The following CHN2 variants were observed in gnomAD, a reference collection of about 807,000 sequenced individuals.
CHN2 encodes the protein beta-chimaerin.
CHN2 carries 35 observed loss-of-function variants against 56.3 expected under a neutral mutation model. The observed-to-expected ratio is 0.62, with a 90% CI of 0.47 to 0.82. The LOEUF (loss-of-function observed/expected upper bound fraction) is 0.82. CHN2 is among the 40% of genes least tolerant of loss of function. The pLI is 0.00. For missense variants in CHN2, 491 were observed against 580.5 expected, an observed-to-expected ratio of 0.85 and a Z score of 1.58; for synonymous variants, 210 against 212.8, an observed-to-expected ratio of 0.99 and a Z score of 0.12.
chr7:29,163,011 A>G lies in CHN2; in HGVS notation c.274+16051A>G, dbSNP rs111649178. Among the ~76,000 whole-genome samples the G allele has an allele frequency of 5.8e-3, 879 of 152,370 alleles. 8 individuals are homozygous for G. The highest frequency in any genetic ancestry group is 0.02 in the African/African-American group (835 of 41,580). ...ATATGCATGAGGTGTAGTTAATTGTACCAATCAATATCCTTGTTTTGATAA... is the reference window on the plus strand; with the variant it reads ...ATATGCATGAGGTGTAGTTAATTGTGCCAATCAATATCCTTGTTTTGATAA... On this transcript the variant is annotated intron_variant, in intron 2 of 6. Coordinates refer to the CHN2 transcript ENST00000439384.
intron 1 of CHN2, among the ~76,000 whole-genome samples, chr7:29,281,774 T>C (rs1391866467): frequency 1.3e-5 from 2 of 152,172 alleles, no homozygotes; most frequent in African/African-American, 2.4e-5. Context: ...CGTCAAGCCA[T>C]TTTCCCCTAA....
chr7:29,257,511 A>G lies in CHN2; in HGVS notation c.49+62521A>G, dbSNP rs140364252. 2.1e-4 allele frequency among the ~76,000 whole-genome samples: 32 copies of G among 152,104 alleles called. No homozygotes were observed. The East Asian group carries it at 5.8e-3, about 28-fold the overall frequency. Reference sequence around the variant, plus strand: ...CATCTTTTCTCCTTTCCACTCCTCCACATATCCCAGCACCTAGGTTACAGC... The same window carrying G: ...CATCTTTTCTCCTTTCCACTCCTCCGCATATCCCAGCACCTAGGTTACAGC... On this transcript the variant is annotated intron_variant, in intron 1 of 12. Coordinates refer to ENST00000222792, the MANE Select transcript of CHN2 (RefSeq NM_004067.4).
At chr7:29,175,224 G>C (rs904339335) in intron 2 of CHN2, among the ~76,000 whole-genome samples, 1 of 151,616 alleles carries the variant, frequency 6.6e-6, no homozygotes, top group Non-Finnish European at 1.5e-5. Context: ...ACCCAGGCTG[G>C]AGTGTAGTGG....
intron 2 of CHN2, among the ~76,000 whole-genome samples, chr7:29,173,753 A>G (rs1031247345): frequency 6.6e-6 from 1 of 150,908 alleles, no homozygotes; most frequent in Non-Finnish European, 1.5e-5. Context: ...CCTGTCCAAC[A>G]TGGTGAAACC....
intron 6 of CHN2, among the ~76,000 whole-genome samples, chr7:29,436,107 C>T (rs1012564879): frequency 6.6e-6 from 1 of 152,036 alleles, no homozygotes; most frequent in Non-Finnish European, 1.5e-5. Context: ...AAGTTGGAGA[C>T]CATAGAATAC....
chr7:29,313,947 A>T (rs891723140), intron 1 of CHN2, among the ~76,000 whole-genome samples: 1 of 152,164 alleles, frequency 6.6e-6, no homozygotes, highest in African/African-American at 2.4e-5. Flanking sequence ...TGCCCAGTGT[A>T]TTCCTGGTGG....
At chr7:29,261,249 G>T (rs1789528792) in intron 1 of CHN2, among the ~76,000 whole-genome samples, 1 of 152,218 alleles carries the variant, frequency 6.6e-6, no homozygotes, top group Non-Finnish European at 1.5e-5. Context: ...TTGAGGCCAT[G>T]CAGCCTACTT....
intron 2 of CHN2, among the ~76,000 whole-genome samples, chr7:29,147,885 A>G (rs1005780439): frequency 3.9e-5 from 6 of 152,250 alleles, no homozygotes; most frequent in African/African-American, 1.4e-4. Flanking sequence ...TTGGGAATTG[A>G]CATGAAAGGC....
At chr7:29,347,256 A>G (rs1351785120) in intron 1 of CHN2, among the ~76,000 whole-genome samples, 1 of 152,186 alleles carries the variant, frequency 6.6e-6, no homozygotes, top group Non-Finnish European at 1.5e-5. Context: ...CTTTTAAAAT[A>G]AAAAATACAG....
chr7:29,209,548 A>G (rs1191418541), intron 1 of CHN2, among the ~76,000 whole-genome samples: 1 of 152,184 alleles, frequency 6.6e-6, no homozygotes, highest in Non-Finnish European at 1.5e-5. Context: ...TTAATTTAAA[A>G]CTGGATAGAG....
At chr7:29,327,706 G>A (rs541410426) in intron 1 of CHN2, among the ~76,000 whole-genome samples, 5 of 152,280 alleles carry the variant, frequency 3.3e-5, no homozygotes, top group African/African-American at 4.8e-5. Context: ...TGGTTGTGAA[G>A]CATCTGGAGC....
intron 1 of CHN2, among the ~76,000 whole-genome samples, chr7:29,258,482 TTC>T (rs1330261707): frequency 6.6e-6 from 1 of 152,214 alleles, no homozygotes; most frequent in Non-Finnish European, 1.5e-5. Context: ...TCGCCTCATC[TTC>T]TGTTTTCTCC....
At chr7:29,149,545 G>C (rs79470360) in intron 2 of CHN2, among the ~76,000 whole-genome samples, 7,299 of 152,234 alleles carry the variant, frequency 0.048, 248 homozygotes, top group Middle Eastern at 0.071. Flanking sequence ...AAATAGTACA[G>C]AACAGAATAG....
intron 1 of CHN2, among the ~76,000 whole-genome samples, chr7:29,244,719 G>A (rs1476193932): frequency 6.6e-6 from 1 of 152,286 alleles, no homozygotes; most frequent in African/African-American, 2.4e-5. Flanking sequence ...TGGTAATCAG[G>A]AAACTGGGGT....
At chr7:29,503,946 A>G (rs771615642) in intron 9 of CHN2, among the ~76,000 whole-genome samples, 1 of 152,214 alleles carries the variant, frequency 6.6e-6, no homozygotes, top group South Asian at 2.1e-4. Context: ...TAACAAATCA[A>G]TAAGCTCCAG....
At chr7:29,156,064 G>A (rs1437862311) in intron 2 of CHN2, among the ~76,000 whole-genome samples, 2 of 152,192 alleles carry the variant, frequency 1.3e-5, no homozygotes, top group African/African-American at 4.8e-5. Flanking sequence ...ATAAACCGGC[G>A]AAGCATGGTG....
chr7:29,194,050 T>C (rs1287773249), upstream of CHN2: 1 of 152,296 alleles, frequency 6.6e-6, no homozygotes, highest in Admixed American at 6.5e-5. Context: ...GAGCGCTCCA[T>C]AGTGGCTCTG....
chr7:29,212,841 A>G, intron 1 of CHN2: 1 of 1,607,316 alleles, frequency 6.2e-7, no homozygotes, highest in East Asian at 2.2e-5. Context: ...TACTCTTCCT[A>G]CCACCAGGGA....
chr7:29,398,590 T>C lies in CHN2; in HGVS notation c.290+104T>C, dbSNP rs1801951882. The C allele has an allele frequency of 4.0e-5, 29 of 721,510 alleles. No individual in the cohort carries two copies. The South Asian group carries it at 4.8e-4, about 12-fold the overall frequency. 44.7% of individuals were successfully genotyped at this position (721,510 alleles called of 1,614,324 possible). A position where few individuals can be genotyped will look rare whatever the true frequency, so the allele number is the denominator to read the frequency against. ...CAGAGTATACATAACACAAAATTCA[T>C]CATTTTTCCCATGTTTATGTTATGA... On this transcript the variant is annotated intron_variant, in intron 5 of 12. Coordinates refer to ENST00000222792, the MANE Select transcript of CHN2 (RefSeq NM_004067.4).
Sources: allele counts gnomAD v4.1 joint callset (sites outside exome capture counted in the v4.1 genomes callset), GRCh38; gene constraint gnomAD v4.1.1; transcripts MANE v1.5; gene names NCBI Gene and HGNC (gene_info 2026-07-23, HGNC 2026-07-21).